VAV3: variants seen among roughly 807,000 people sequenced by gnomAD.
VAV3 encodes the protein guanine nucleotide exchange factor VAV3.
VAV3 carries 94 observed loss-of-function variants against 131.2 expected under a neutral mutation model. The ratio of observed to expected loss-of-function variants is 0.72; its 90% CI spans 0.61 to 0.85. VAV3 has a LOEUF of 0.85. VAV3 is among the 40% of genes least tolerant of loss of function. The pLI, the probability that VAV3 is intolerant of heterozygous loss-of-function variation, is 0.00. For synonymous variants in VAV3, 349 were observed against 342.0 expected (o/e 1.02, Z -0.22); for missense variants, 939 against 1,002.7 (o/e 0.94, Z 0.86).
At chr1:107,879,634 T>C (rs1358147145) in intron 1 of VAV3, among the ~76,000 whole-genome samples, 1 of 152,074 alleles carries the variant, frequency 6.6e-6, no homozygotes. Flanking sequence ...CAGCTTCAAA[T>C]ATACTGCCTT....
intron 9 of VAV3, 31 bp downstream of exon 9, chr1:107,765,045 T>C: frequency 6.6e-7 from 1 of 1,517,994 alleles, no homozygotes; most frequent in Non-Finnish European, 9.1e-7. Context: ...TTTATTTTGC[T>C]TTATGTCATA....
At chr1:107,644,422 G>A (rs911240504) in intron 19 of VAV3, among the ~76,000 whole-genome samples, 1 of 152,060 alleles carries the variant, frequency 6.6e-6, no homozygotes, top group Non-Finnish European at 1.5e-5. Flanking sequence ...AAAGCATCTT[G>A]TTTGGTAGAC....
chr1:107,827,919 C>G (rs913737574), intron 2 of VAV3, among the ~76,000 whole-genome samples: 3 of 152,108 alleles, frequency 2.0e-5, no homozygotes, highest in Non-Finnish European at 4.4e-5. Flanking sequence ...TCTAGACCAA[C>G]TAGAGGCTTG....
chr1:107,854,846 C>A (rs903531241), intron 2 of VAV3, among the ~76,000 whole-genome samples: 4 of 152,116 alleles, frequency 2.6e-5, no homozygotes, highest in African/African-American at 7.2e-5. Flanking sequence ...TGTAACAAAC[C>A]CTAAAATTCT....
rs776680743 is a variant in VAV3 at position 107,770,633 on chromosome 1, T to C, written c.648+3A>G. 1.9e-6 allele frequency: 3 copies of C among 1,589,320 alleles called. No homozygotes were observed. The African/African-American group carries it at 4.0e-5, about 21-fold the overall frequency. ...GCATCAAAAATAATACCTGATGACTTACCTTTTCTATTGACTCCAAAGTTT... is the reference window on the plus strand; with the variant it reads ...GCATCAAAAATAATACCTGATGACTCACCTTTTCTATTGACTCCAAAGTTT... On this transcript the variant is annotated splice_donor_region_variant and intron_variant, in intron 6 of 26. Transcript: ENST00000370056.
At chr1:107,581,253 T>C (rs939876130) in intron 25 of VAV3, among the ~76,000 whole-genome samples, 1 of 152,210 alleles carries the variant, frequency 6.6e-6, no homozygotes, top group Admixed American at 6.5e-5. Context: ...CATATTAGCA[T>C]AGGCAAGGGA....
At chr1:107,705,832 T>C (rs1570790357) in intron 15 of VAV3, among the ~76,000 whole-genome samples, 2 of 152,282 alleles carry the variant, frequency 1.3e-5, no homozygotes, top group Non-Finnish European at 2.9e-5. Context: ...TACTCTAAAG[T>C]AGAGCTTACC....
intron 15 of VAV3, among the ~76,000 whole-genome samples, chr1:107,728,384 G>C (rs1388436086): frequency 6.6e-6 from 1 of 152,038 alleles, no homozygotes; most frequent in East Asian, 1.9e-4. Flanking sequence ...CTCTGTAGAG[G>C]AAGTCTTCTG....
intron 1 of VAV3, among the ~76,000 whole-genome samples, chr1:107,936,095 T>C (rs986476274): frequency 6.6e-6 from 1 of 152,206 alleles, no homozygotes; most frequent in Admixed American, 6.5e-5. Flanking sequence ...GATGAACTAA[T>C]AATTTTTAAA....
chr1:107,629,376 A>T (rs1654270234), intron 20 of VAV3, among the ~76,000 whole-genome samples: 1 of 152,210 alleles, frequency 6.6e-6, no homozygotes, highest in Non-Finnish European at 1.5e-5. Flanking sequence ...TTCTTCCAGC[A>T]TGAAGGATAT....
intron 24 of VAV3, among the ~76,000 whole-genome samples, chr1:107,598,045 C>T (rs879767234): frequency 6.6e-6 from 1 of 152,078 alleles, no homozygotes; most frequent in Admixed American, 6.6e-5. Context: ...GCAAATAGTG[C>T]CTAGCAAATG....
intron 1 of VAV3, among the ~76,000 whole-genome samples, chr1:107,947,234 C>T (rs943140679): frequency 6.6e-6 from 1 of 152,224 alleles, no homozygotes; most frequent in African/African-American, 2.4e-5. Flanking sequence ...AAATTGCCAA[C>T]AGACAAATCG....
chr1:107,722,859 C>T (rs534654786), intron 15 of VAV3, among the ~76,000 whole-genome samples: 15 of 13,462 alleles, frequency 1.1e-3, no homozygotes, highest in African/African-American at 3.1e-3. Context: ...TTTTTTTGTA[C>T]GCTTACTAAG....
chr1:107,709,117 C>A (rs539830300), intron 15 of VAV3, among the ~76,000 whole-genome samples: 153 of 152,274 alleles, frequency 1.0e-3, no homozygotes, highest in African/African-American at 3.4e-3. Flanking sequence ...TATGTAACAT[C>A]TGATGCCGAG....
intron 3 of VAV3, among the ~76,000 whole-genome samples, chr1:107,778,696 C>A (rs1665515292): frequency 6.6e-6 from 1 of 152,082 alleles, no homozygotes; most frequent in Non-Finnish European, 1.5e-5. Flanking sequence ...TGGCCAGAGA[C>A]AGAAATATGG....
intron 25 of VAV3, chr1:107,576,251 G>C (rs1347780374): frequency 3.2e-6 from 2 of 624,802 alleles, no homozygotes; most frequent in Non-Finnish European, 5.1e-6. Context: ...ACAGAGAAGA[G>C]TAAAGTGCAT....
At chr1:107,609,757 G>A in intron 22 of VAV3, 174 bp downstream of exon 22, 2 of 632,800 alleles carry the variant, frequency 3.2e-6, no homozygotes, top group Non-Finnish European at 5.5e-6. Context: ...CGCAGATAAA[G>A]ATATGGAAAG....
intron 20 of VAV3, among the ~76,000 whole-genome samples, chr1:107,639,218 C>T (rs560360210): frequency 6.6e-6 from 1 of 151,844 alleles, no homozygotes; most frequent in East Asian, 1.9e-4. Context: ...AAACTATAAG[C>T]CTTCTAGAAG....
At chr1:107,843,890 G>T (rs1389527594) in intron 2 of VAV3, among the ~76,000 whole-genome samples, 1 of 152,098 alleles carries the variant, frequency 6.6e-6, no homozygotes, top group African/African-American at 2.4e-5. Context: ...GGAAAAGGGA[G>T]AAGAGAATGA....
Sources: gnomAD v4.1 joint callset for allele counts (sites outside exome capture counted in the v4.1 genomes callset) on GRCh38, gnomAD v4.1.1 for gene constraint, MANE v1.5 for transcripts, NCBI Gene and HGNC (gene_info 2026-07-23, HGNC 2026-07-21) for gene names.